Variants in GAGE12J observed in about 807,000 individuals in gnomAD.
GAGE12J encodes the protein G antigen 11.
In GAGE12J, 5 loss-of-function variants were observed where a neutral mutation model predicts 8.5. That is an observed-to-expected ratio of 0.59 (90% confidence interval 0.31 to 1.24). The LOEUF (loss-of-function observed/expected upper bound fraction) is 1.24, where lower values mean the gene tolerates loss of function less well. Among genes scored for constraint, GAGE12J ranks in the 50% most tolerant of loss-of-function variants. GAGE12J has a pLI of 0.06. For missense variants in GAGE12J, 26 were observed against 63.0 expected, an observed-to-expected ratio of 0.41 and a Z score of 1.99; for synonymous variants, 10 against 19.2, an observed-to-expected ratio of 0.52 and a Z score of 1.25.
At chrX:49,325,746 G>C (rs12400430) in intron 3 of GAGE12J, among the ~76,000 whole-genome samples, 9 of 66,327 alleles carry the variant, frequency 1.4e-4, no homozygotes, top group Admixed American at 8.5e-4. Flanking sequence ...GCACAAAGAT[G>C]AAAATCAGGA....
intron 1 of GAGE12J, among the ~76,000 whole-genome samples, chrX:49,322,703 A>C (rs1481849343): frequency 2.2e-5 from 2 of 92,369 alleles, no homozygotes; most frequent in Non-Finnish European, 4.6e-5. Context: ...AGTGTGCCCA[A>C]AGCAGCAATC....
At chrX:49,323,073 A>T in intron 1 of GAGE12J, 113 bp from the exon 2 acceptor site, 1 of 843,201 alleles carries the variant, frequency 1.2e-6, no homozygotes, top group Non-Finnish European at 1.7e-6. Flanking sequence ...TCTGGGACTT[A>T]TCTTGAGAGT....
At chrX:49,322,190 G>A in intron 1 of GAGE12J, 46 bp downstream of exon 1, 2 of 388,447 alleles carry the variant, frequency 5.1e-6, no homozygotes, top group Non-Finnish European at 6.5e-6. Context: ...TGTGAGTGAG[G>A]GTGGAGAGGG....
At chrX:49,323,030 G>C (rs1557126296) in intron 1 of GAGE12J, among the ~76,000 whole-genome samples, 156 bp from the exon 2 acceptor site, 1 of 107,221 alleles carries the variant, frequency 9.3e-6, no homozygotes, top group African/African-American at 3.4e-5. Flanking sequence ...TGGCTTTGTA[G>C]GCACTCAGAC....
chrX:49,328,086 T>A lies in GAGE12J; in HGVS notation c.332-1185T>A. ...GGCTTTTAATGAACAATTGCTTCTT[T>A]TTTTTCTTTTATTTATTTATTTATT... On this transcript the variant is annotated intron_variant, in intron 4 of 4. Transcript: ENST00000442437. Among the ~76,000 whole-genome samples the A allele has an allele frequency of 2.8e-5, 2 of 72,410 alleles. 1 individual carries two copies. The allele number at this position is 72,410 out of a possible 115,157, so 62.9% of individuals were successfully genotyped here. A position where few individuals can be genotyped will look rare whatever the true frequency, so the allele number is the denominator to read the frequency against.
At chrX:49,322,556 C>T (rs4239985) in intron 1 of GAGE12J, among the ~76,000 whole-genome samples, 3 of 94,669 alleles carry the variant, frequency 3.2e-5, no homozygotes, top group East Asian at 3.2e-4. Flanking sequence ...GTGTGGAGTG[C>T]GGAGCGCCTG....
chrX:49,325,405 G>A (rs2066440588), intron 3 of GAGE12J, among the ~76,000 whole-genome samples: 1 of 105,566 alleles, frequency 9.5e-6, no homozygotes, highest in Non-Finnish European at 2.0e-5. Context: ...AAAGTTCAGT[G>A]CAGTTATCAT....
intron 1 of GAGE12J, among the ~76,000 whole-genome samples, chrX:49,322,633 G>A (rs2066424819): frequency 2.2e-5 from 2 of 92,235 alleles, no homozygotes; most frequent in Non-Finnish European, 4.7e-5. Context: ...AGGAGTGGGC[G>A]AGGCAGTGCG....
chrX:49,323,386 A>C, intron 2 of GAGE12J, 109 bp downstream of exon 2: 1 of 613,188 alleles, frequency 1.6e-6, no homozygotes, highest in East Asian at 3.4e-5. Flanking sequence ...CCTGCTCATA[A>C]AAAATGATGA....
In GAGE12J at chrX:49,323,330, G is replaced by C. The variant is rs782234824; in HGVS notation, c.84+53G>C. The C allele has an allele frequency of 1.2e-3, 1,223 of 1,035,856 alleles. 34 individuals carry two copies. In the African/African-American group the frequency reaches 0.02, roughly 17 times the overall value. The allele number at this position is 1,035,856 out of a possible 1,213,427, so 85.4% of individuals were successfully genotyped here. A position where few individuals can be genotyped will look rare whatever the true frequency, so the allele number is the denominator to read the frequency against. On this transcript the variant is annotated intron_variant, in intron 2 of 4. Transcript: ENST00000442437. ...TTTCTATTAGTAGAAATTAATTTTT[G>C]TGATAGCGTTGTTGCATTAGTGTGG...
rs782057929 is a variant in GAGE12J at position 49,323,239 on chromosome X, C to G, written c.46C>G (p.Pro16Ala). The G allele has an allele frequency of 1.7e-5, 20 of 1,145,421 alleles. No individual in the cohort carries two copies. Among genetic ancestry groups the G allele is most frequent in the Non-Finnish European group, 2.3e-5 (19 of 843,356 alleles). The allele number at this position is 1,145,421 out of a possible 1,213,427, so 94.4% of individuals were successfully genotyped here. The change falls in exon 2 of 5, where the codon CCC becomes GCC. Residue 16 changes from proline to alanine, a missense_variant. By Grantham distance (27) the Pro-to-Ala change is conservative. Around this residue, in one of 2 missense-constraint regions of GAGE12J, gnomAD observed 26 missense variants for 21.9 expected, o/e 1.19. Coordinates refer to ENST00000442437, the MANE Select transcript of GAGE12J (RefSeq NM_001098406.4). ...GACCTATTATTGGCCTAGACCAAGA[C>G]CCTATGTACAGCCTCCTGAAATGAT... ...RSTYYWPRPRPYVQPPEMIGP... is the reference protein window; with the variant it reads ...RSTYYWPRPRAYVQPPEMIGP...
chrX:49,323,220 T>A lies in GAGE12J; in HGVS notation c.27T>A (p.Tyr9Ter). Residue 9 changes from tyrosine (Y) to a stop codon, truncating the protein, a stop_gained, in exon 2 of 5, where the codon TAT (tyrosine) becomes TAA (stop). Transcript: ENST00000442437. LOFTEE classifies it high-confidence loss of function. MSWRGRST[Y>*]YWPRPRPYVQ... ...TGAGTTGGCGAGGAAGATCGACCTA[T>A]TATTGGCCTAGACCAAGACCCTATG... The A allele has an allele frequency of 8.8e-7, 1 of 1,142,316 alleles. No homozygotes were observed. The highest frequency in any genetic ancestry group is 1.2e-6 in the Non-Finnish European group (1 of 839,556). The allele number at this position is 1,142,316 out of a possible 1,213,427, so 94.1% of individuals were successfully genotyped here. A position where few individuals can be genotyped will look rare whatever the true frequency, so the allele number is the denominator to read the frequency against.
chrX:49,322,456 G>C lies in GAGE12J; in HGVS notation c.-9+312G>C, dbSNP rs1353540062. 9.2e-5 allele frequency among the ~76,000 whole-genome samples: 10 copies of C among 108,140 alleles called. 1 individual carries two copies. Among genetic ancestry groups the C allele is most frequent in the African/African-American group, 3.3e-4 (10 of 30,417 alleles). 93.9% of individuals were successfully genotyped at this position (108,140 alleles called of 115,157 possible). ...CCCGACGACACAGGGCAGATTCCCT[G>C]AATGGGGCCTCCGGCGGGGGCGAGG... On this transcript the variant is annotated intron_variant, in intron 1 of 4. Coordinates refer to ENST00000442437, the MANE Select transcript of GAGE12J (RefSeq NM_001098406.4).
At chrX:49,324,746 G>T (rs2066438063) in intron 3 of GAGE12J, among the ~76,000 whole-genome samples, 2 of 59,637 alleles carry the variant, frequency 3.4e-5, no homozygotes, top group African/African-American at 8.4e-5. Flanking sequence ...TCTTCACGGG[G>T]TTCATTTATG....
At chrX:49,322,411 G>C (rs1268895107) in intron 1 of GAGE12J, among the ~76,000 whole-genome samples, 1 of 109,078 alleles carries the variant, frequency 9.2e-6, no homozygotes. Flanking sequence ...GGGGATGGAA[G>C]TCCCGAGGTG....
intron 1 of GAGE12J, 33 bp from the exon 2 acceptor site, chrX:49,323,153 C>T (rs781947249): frequency 2.1e-5 from 23 of 1,080,701 alleles, no homozygotes; most frequent in East Asian, 1.8e-4. Context: ...CCCTGTGGAG[C>T]GCACGTTCCC....
intron 3 of GAGE12J, among the ~76,000 whole-genome samples, chrX:49,325,475 C>G (rs1243858141): frequency 2.0e-5 from 2 of 101,744 alleles, no homozygotes; most frequent in East Asian, 3.1e-4. Flanking sequence ...AGAAAATTTG[C>G]AAGAATAGTA....
intron 4 of GAGE12J, 30 bp downstream of exon 4, chrX:49,326,845 AG>A (rs2066445727): frequency 2.9e-6 from 1 of 345,981 alleles, no homozygotes; most frequent in African/African-American, 2.6e-5. Context: ...TGCACATTGT[AG>A]GGTGTCTGTT....
intron 4 of GAGE12J, among the ~76,000 whole-genome samples, chrX:49,328,141 T>A: frequency 1.3e-5 from 1 of 76,124 alleles, no homozygotes; most frequent in Non-Finnish European, 3.3e-5. Context: ...AGTTTTAGGG[T>A]ACATGTGCAC....
Sources: allele counts gnomAD v4.1 joint callset (sites outside exome capture counted in the v4.1 genomes callset), GRCh38; gene constraint gnomAD v4.1.1; regional missense constraint gnomAD v4.1.1; transcripts MANE v1.5; gene names NCBI Gene and HGNC (gene_info 2026-07-23, HGNC 2026-07-21).